The following SETBP1 variants were observed in gnomAD, a reference collection of about 807,000 sequenced individuals.
SETBP1 encodes the protein SET-binding protein.
SETBP1 carries 9 observed loss-of-function variants against 101.0 expected under a neutral mutation model. That is an observed-to-expected ratio of 0.09 (90% CI 0.05 to 0.16). The LOEUF is 0.16. SETBP1 is among the 10% of genes least tolerant of loss of function. The probability of loss-of-function intolerance (pLI) is 1.00; values close to 1 mark genes in which losing one functional copy is unlikely to be tolerated. For missense variants in SETBP1, 1,858 were observed against 2,033.8 expected (o/e 0.91, Z 1.66); for synonymous variants, 818 against 788.5 (o/e 1.04, Z -0.63).
At chr18:44,713,598 A>G (rs1486908868) in intron 2 of SETBP1, among the ~76,000 whole-genome samples, 1 of 152,166 alleles carries the variant, frequency 6.6e-6, no homozygotes, top group African/African-American at 2.4e-5. Context: ...GCATTATGCC[A>G]GGGTATTGTA....
intron 2 of SETBP1, among the ~76,000 whole-genome samples, chr18:44,827,953 T>C (rs1192489338): frequency 6.6e-5 from 10 of 152,200 alleles, no homozygotes; most frequent in Non-Finnish European, 1.5e-4. Context: ...GCTCAGAACC[T>C]TTTATTGATG....
In SETBP1 at chr18:44,699,036, A is replaced by G. The variant is rs577566582; in HGVS notation, c.-172-2139A>G. Among the ~76,000 whole-genome samples, 8 of 152,276 alleles carry G rather than the reference A, an allele frequency of 5.3e-5. No homozygotes were observed. In the East Asian group the frequency reaches 1.5e-3, roughly 29 times the overall value. On this transcript the variant is annotated intron_variant, in intron 1 of 5. Coordinates refer to ENST00000649279, the MANE Select transcript of SETBP1 (RefSeq NM_015559.3). ...AGTGTATAAGCCCATCAATTCATCT[A>G]AAGTTTAGAGTTCACCTTCTTTTAT...
intron 2 of SETBP1, among the ~76,000 whole-genome samples, chr18:44,745,223 G>C (rs146505467): frequency 6.6e-6 from 1 of 152,080 alleles, no homozygotes; most frequent in Non-Finnish European, 1.5e-5. Context: ...ATAATCATTC[G>C]TGTATATTCA....
At chr18:44,885,954 T>C (rs992302981) in intron 3 of SETBP1, among the ~76,000 whole-genome samples, 2 of 151,868 alleles carry the variant, frequency 1.3e-5, no homozygotes, top group African/African-American at 4.8e-5. Context: ...ATGCAGTTTA[T>C]TTTCCTAAGT....
At chr18:44,790,623 G>A (rs1244755279) in intron 2 of SETBP1, among the ~76,000 whole-genome samples, 2 of 152,200 alleles carry the variant, frequency 1.3e-5, no homozygotes, top group Non-Finnish European at 2.9e-5. Context: ...AGGCCTGTAA[G>A]GCATGGGATC....
intron 2 of SETBP1, among the ~76,000 whole-genome samples, chr18:44,741,257 C>T (rs2615006): frequency 0.99 from 151,146 of 152,322 alleles, 75,001 homozygotes; most frequent in Middle Eastern, 1. Context: ...ATTAAACAAG[C>T]AGTGTTCACT....
chr18:45,039,146 G>C (rs537434554), intron 5 of SETBP1, among the ~76,000 whole-genome samples: 62 of 152,224 alleles, frequency 4.1e-4, no homozygotes, highest in African/African-American at 1.3e-3. Flanking sequence ...TGCTCATCAG[G>C]GTTGAAAGAT....
chr18:44,680,957 G>C lies in SETBP1; in HGVS notation c.-237G>C, dbSNP rs1198485336. Reference sequence around the variant, plus strand: ...AGTTGGATTTTTTTGGGGGGGGAATGTATCAGAATCTAACGTGTCGTTAAT... The same window carrying C: ...AGTTGGATTTTTTTGGGGGGGGAATCTATCAGAATCTAACGTGTCGTTAAT... On this transcript the variant is annotated 5_prime_UTR_variant, in exon 1 of 6. An upstream start codon of the reference 5' UTR is lost. Coordinates refer to ENST00000649279, the MANE Select transcript of SETBP1 (RefSeq NM_015559.3). 1 of 152,186 alleles carries C rather than the reference G, an allele frequency of 6.6e-6. No individual in the cohort carries two copies. The highest frequency in any genetic ancestry group is 1.5e-5 in the Non-Finnish European group (1 of 68,098). 9.4% of individuals were successfully genotyped at this position (152,186 alleles called of 1,614,324 possible).
At chr18:44,819,140 C>CAG (rs1422318044) in intron 2 of SETBP1, among the ~76,000 whole-genome samples, 1 of 138,030 alleles carries the variant, frequency 7.2e-6, no homozygotes, top group East Asian at 2.2e-4. Flanking sequence ...TGGGAGTAGA[C>CAG]TTCCCTTTTT....
At chr18:44,777,655 T>C (rs1332119362) in intron 2 of SETBP1, among the ~76,000 whole-genome samples, 1 of 152,174 alleles carries the variant, frequency 6.6e-6, no homozygotes, top group Non-Finnish European at 1.5e-5. Context: ...AGGAGGTTCC[T>C]GGACACCCGT....
intron 3 of SETBP1, chr18:44,871,524 A>G (rs1282698547): frequency 1.3e-5 from 2 of 152,186 alleles, no homozygotes; most frequent in African/African-American, 4.8e-5. Context: ...ACTTGAATGT[A>G]GAGGTTTTCT....
chr18:45,058,564 G>C (rs897168200), intron 5 of SETBP1, among the ~76,000 whole-genome samples: 5 of 152,180 alleles, frequency 3.3e-5, no homozygotes, highest in Non-Finnish European at 7.3e-5. Flanking sequence ...GAGGGGTTAA[G>C]GGGTTTATCT....
intron 2 of SETBP1, among the ~76,000 whole-genome samples, chr18:44,741,972 C>T (rs550688960): frequency 1.3e-4 from 20 of 152,254 alleles, no homozygotes; most frequent in African/African-American, 2.6e-4. Flanking sequence ...CCTCTAAGGA[C>T]GGAGGTGGAG....
chr18:44,929,902 C>T (rs1428602676), intron 3 of SETBP1, among the ~76,000 whole-genome samples: 1 of 152,218 alleles, frequency 6.6e-6, no homozygotes, highest in African/African-American at 2.4e-5. Context: ...TTGACTTTCT[C>T]TCTTCCTAAT....
At chr18:44,780,859 G>A (rs2071115217) in intron 2 of SETBP1, among the ~76,000 whole-genome samples, 1 of 152,226 alleles carries the variant, frequency 6.6e-6, no homozygotes, top group Admixed American at 6.5e-5. Context: ...TAAAGATGTG[G>A]TGTCCAAGCT....
intron 3 of SETBP1, among the ~76,000 whole-genome samples, chr18:44,940,786 C>T (rs796653771): frequency 3.4e-4 from 51 of 152,234 alleles, no homozygotes; most frequent in African/African-American, 1.2e-3. Flanking sequence ...TTTGTATACA[C>T]CAATATATTT....
At chr18:44,972,721 G>T (rs915303521) in intron 4 of SETBP1, among the ~76,000 whole-genome samples, 1 of 152,100 alleles carries the variant, frequency 6.6e-6, no homozygotes, top group African/African-American at 2.4e-5. Flanking sequence ...TTTTCACATC[G>T]ATTTTGTATC....
At chr18:44,881,934 T>C (rs757298815) in intron 3 of SETBP1, among the ~76,000 whole-genome samples, 1 of 152,304 alleles carries the variant, frequency 6.6e-6, no homozygotes, top group Non-Finnish European at 1.5e-5. Flanking sequence ...CTTCTTGGCA[T>C]GTTGGAGTGT....
chr18:44,935,167 T>C (rs2070931245), intron 3 of SETBP1, among the ~76,000 whole-genome samples: 1 of 152,190 alleles, frequency 6.6e-6, no homozygotes. Flanking sequence ...TTACACTAAA[T>C]GAGTGAGGCA....
Sources: allele counts gnomAD v4.1 joint callset (sites outside exome capture counted in the v4.1 genomes callset), GRCh38; gene constraint gnomAD v4.1.1; transcripts MANE v1.5; gene names NCBI Gene and HGNC (gene_info 2026-07-23, HGNC 2026-07-21).